FBXO34: variants seen among roughly 807,000 people sequenced by gnomAD.
The protein encoded by FBXO34 is F-box protein 34.
Under a neutral mutation model 24.5 loss-of-function variants are expected in FBXO34, and 12 were observed. That is an observed-to-expected ratio of 0.49 (90% CI 0.31 to 0.79). The LOEUF (loss-of-function observed/expected upper bound fraction) is 0.79. Ranked by LOEUF, FBXO34 falls within the 30% of genes least tolerant of loss-of-function variation. The probability of loss-of-function intolerance (pLI) is 0.04; values close to 1 mark genes in which losing one functional copy is unlikely to be tolerated. For synonymous variants in FBXO34, 320 were observed against 311.9 expected (o/e 1.03, Z -0.27); for missense variants, 823 against 857.7 (o/e 0.96, Z 0.51).
At chr14:55,295,126 C>T (rs1222603495) in intron 1 of FBXO34, among the ~76,000 whole-genome samples, 1 of 152,110 alleles carries the variant, frequency 6.6e-6, no homozygotes, top group Non-Finnish European at 1.5e-5. Flanking sequence ...TTTGCGCCAT[C>T]GTAAAGTCAA....
chr14:55,286,064 G>A (rs765704701), intron 1 of FBXO34, among the ~76,000 whole-genome samples: 2 of 152,172 alleles, frequency 1.3e-5, no homozygotes, highest in Non-Finnish European at 2.9e-5. Flanking sequence ...GGAGAATGCT[G>A]TATGAAAATT....
intron 1 of FBXO34, among the ~76,000 whole-genome samples, chr14:55,283,257 A>G (rs556931346): frequency 9.4e-4 from 139 of 148,524 alleles, no homozygotes; most frequent in Admixed American, 1.7e-3. Context: ...AACATAGGCT[A>G]TGATTAGATT....
chr14:55,273,895 T>TC (rs1881247192), intron 1 of FBXO34, among the ~76,000 whole-genome samples: 1 of 152,122 alleles, frequency 6.6e-6, no homozygotes, highest in East Asian at 1.9e-4. Flanking sequence ...AACCTCCGCC[T>TC]CCCGGGTTCA....
chr14:55,303,129 T>A (rs1594739166), intron 1 of FBXO34, among the ~76,000 whole-genome samples: 2 of 53,140 alleles, frequency 3.8e-5, no homozygotes, highest in African/African-American at 1.2e-4. Context: ...TTTACAGGCC[T>A]TTTTTTTTTT....
At chr14:55,431,531 TCCCTG>T in the FBXO34 span, among the ~76,000 whole-genome samples, 10 of 152,344 alleles carry the variant, frequency 6.6e-5, no homozygotes, top group African/African-American at 2.4e-4. Context: ...AATTAGGTTT[TCCCTG>T]TTCTATTGCT....
At chr14:55,297,981 C>T (rs1210344286) in intron 1 of FBXO34, among the ~76,000 whole-genome samples, 3 of 152,196 alleles carry the variant, frequency 2.0e-5, no homozygotes, top group African/African-American at 7.2e-5. Flanking sequence ...AAATGGATGT[C>T]TAGGGCAGGA....
At chr14:55,376,599 G>A in the FBXO34 span, among the ~76,000 whole-genome samples, 1 of 152,196 alleles carries the variant, frequency 6.6e-6, no homozygotes, top group Non-Finnish European at 1.5e-5. Flanking sequence ...ATGGTTAAAA[G>A]CAGATTATCA....
chr14:55,411,621 C>A, the FBXO34 span: 1 of 1,611,168 alleles, frequency 6.2e-7, no homozygotes, highest in Non-Finnish European at 8.5e-7. Context: ...TCGCGGCCGT[C>A]GAAGTAGACG....
chr14:55,370,019 G>A, downstream of FBXO34: 3 of 1,235,050 alleles, frequency 2.4e-6, no homozygotes, highest in South Asian at 1.6e-5. Context: ...CTGAGGGGAT[G>A]AGGGACGCCG....
At chr14:55,273,878 T>C (rs1881246207) in intron 1 of FBXO34, among the ~76,000 whole-genome samples, 2 of 152,194 alleles carry the variant, frequency 1.3e-5, no homozygotes, top group East Asian at 1.9e-4. Flanking sequence ...CGATCTCGGC[T>C]CACTGCAACC....
chr14:55,412,754 C>G, the FBXO34 span, among the ~76,000 whole-genome samples: 1 of 152,202 alleles, frequency 6.6e-6, no homozygotes, highest in African/African-American at 2.4e-5. Flanking sequence ...ATTCCTTTCT[C>G]AAGTTCCATA....
At chr14:55,336,315 C>T (rs1300559335) in intron 1 of FBXO34, among the ~76,000 whole-genome samples, 1 of 152,122 alleles carries the variant, frequency 6.6e-6, no homozygotes, top group East Asian at 1.9e-4. Flanking sequence ...AGGGCAAGAA[C>T]TTATGTTGGT....
the FBXO34 span, among the ~76,000 whole-genome samples, chr14:55,406,417 G>A: frequency 1.3e-5 from 2 of 152,144 alleles, no homozygotes. Flanking sequence ...TTTTCATGAA[G>A]TTAAGGGGAA....
At chr14:55,408,597 C>A in the FBXO34 span, among the ~76,000 whole-genome samples, 1 of 151,996 alleles carries the variant, frequency 6.6e-6, no homozygotes, top group Non-Finnish European at 1.5e-5. Context: ...ATAGGGAGAC[C>A]CTGTCTCTAC....
chr14:55,339,148 C>A (rs1035359102), intron 1 of FBXO34, among the ~76,000 whole-genome samples: 8 of 152,068 alleles, frequency 5.3e-5, no homozygotes, highest in Non-Finnish European at 8.8e-5. Context: ...GCATAGGAGA[C>A]AGTATTCATG....
Position 55,302,794 on chromosome 14 carries a change from G to C in FBXO34, c.-11+31257G>C, listed in dbSNP as rs76747874. Among the ~76,000 whole-genome samples the C allele has an allele frequency of 8.6e-3, 1,304 of 152,262 alleles. 24 individuals carry two copies. Among genetic ancestry groups the C allele is most frequent in the African/African-American group, 0.03 (1,249 of 41,548 alleles). ...TGGGTTTAGAGAAGAATTGGTTAAA[G>C]ACTAAGAAATTCTGTTTTCTTCTTT... On this transcript the variant is annotated intron_variant, in intron 1 of 1. Coordinates refer to ENST00000313833, the MANE Select transcript of FBXO34 (RefSeq NM_017943.4).
intron 1 of FBXO34, among the ~76,000 whole-genome samples, chr14:55,314,487 T>C (rs1212742333): frequency 6.6e-6 from 1 of 152,094 alleles, no homozygotes; most frequent in African/African-American, 2.4e-5. Context: ...GGGTATCACA[T>C]AAATGTTTTG....
intron 1 of FBXO34, among the ~76,000 whole-genome samples, chr14:55,331,908 A>AT: frequency 1.2e-5 from 1 of 82,674 alleles, no homozygotes; most frequent in Non-Finnish European, 2.6e-5. Context: ...TATATATAAA[A>AT]ATATATATAT....
rs139061824 is a variant in FBXO34 at position 55,301,066 on chromosome 14, C to T, written c.-11+29529C>T. ...ATGACAGTGAATTAGAAGTTGTAAA[C>T]CAAATTCCTTGTTACTACAGTGGAC... On this transcript the variant is annotated intron_variant, in intron 1 of 1. Coordinates refer to ENST00000313833, the MANE Select transcript of FBXO34 (RefSeq NM_017943.4). Among the ~76,000 whole-genome samples, 20 of 152,280 alleles carry T rather than the reference C, an allele frequency of 1.3e-4. No individual in the cohort carries two copies. The East Asian group carries it at 1.5e-3, about 12-fold the overall frequency.
Sources: gnomAD v4.1 joint callset for allele counts (sites outside exome capture counted in the v4.1 genomes callset) on GRCh38, gnomAD v4.1.1 for gene constraint, MANE v1.5 for transcripts, NCBI Gene and HGNC (gene_info 2026-07-23, HGNC 2026-07-21) for gene names.